Variants in KCNQ3 observed in about 807,000 individuals in gnomAD.
The protein encoded by KCNQ3 is potassium voltage-gated channel subfamily Q member 3, also known as potassium voltage-gated channel subfamily KQT member 3.
A neutral mutation model predicts 92.5 loss-of-function variants in KCNQ3; 30 were observed. That is an observed-to-expected ratio of 0.32 (90% CI 0.24 to 0.44). The LOEUF (loss-of-function observed/expected upper bound fraction) is 0.44. Ranked by LOEUF, KCNQ3 falls within the 20% of genes least tolerant of loss-of-function variation. The probability of loss-of-function intolerance (pLI) is 1.00; values close to 1 mark genes in which losing one functional copy is unlikely to be tolerated. For missense variants in KCNQ3, 913 were observed against 1,140.3 expected, an observed-to-expected ratio of 0.80 and a Z score of 2.87; for synonymous variants, 450 against 468.8, an observed-to-expected ratio of 0.96 and a Z score of 0.52.
intron 1 of KCNQ3, among the ~76,000 whole-genome samples, chr8:132,254,363 C>T (rs963276340): frequency 5.3e-5 from 8 of 152,280 alleles, no homozygotes; most frequent in Admixed American, 2.6e-4. Context: ...AAAAATACTG[C>T]TTGCATAGAC....
At chr8:132,409,666 A>G (rs1416143796) in intron 1 of KCNQ3, among the ~76,000 whole-genome samples, 1 of 152,180 alleles carries the variant, frequency 6.6e-6, no homozygotes, top group Admixed American at 6.5e-5. Flanking sequence ...ATACTGGTTG[A>G]ATACTGAACA....
intron 1 of KCNQ3, among the ~76,000 whole-genome samples, chr8:132,263,847 A>G (rs1013545200): frequency 2.0e-5 from 3 of 152,128 alleles, no homozygotes; most frequent in Non-Finnish European, 4.4e-5. Flanking sequence ...CCTTGGACAC[A>G]GTGTATTCTT....
intron 1 of KCNQ3, among the ~76,000 whole-genome samples, chr8:132,308,688 C>G (rs1448601943): frequency 6.6e-6 from 1 of 152,182 alleles, no homozygotes; most frequent in Non-Finnish European, 1.5e-5. Context: ...AGCGCTGACA[C>G]TGGGGCAGCC....
At position 132,295,111 on chromosome 8, in the gene KCNQ3, T is replaced by C. The variant is rs182965292; in HGVS notation, c.387-108930A>G. 8.5e-5 allele frequency among the ~76,000 whole-genome samples: 13 copies of C among 152,312 alleles called. No individual in the cohort carries two copies. In the East Asian group the frequency reaches 2.1e-3, roughly 25 times the overall value. On this transcript the variant is annotated intron_variant, in intron 1 of 14. Coordinates refer to ENST00000388996, the MANE Select transcript of KCNQ3 (RefSeq NM_004519.4). ...CAGAGTGAACAGACAGCCTACTGTA[T>C]AGGAGACAATTTTTGCAATCTGTCC...
At chr8:132,150,391 T>C (rs1287471332) in intron 9 of KCNQ3, among the ~76,000 whole-genome samples, 1 of 152,178 alleles carries the variant, frequency 6.6e-6, no homozygotes, top group African/African-American at 2.4e-5. Context: ...TTGTGGTTTG[T>C]TGATTCCCTT....
At chr8:132,415,519 C>A (rs547887165) in intron 1 of KCNQ3, among the ~76,000 whole-genome samples, 1 of 152,368 alleles carries the variant, frequency 6.6e-6, no homozygotes, top group South Asian at 2.1e-4. Flanking sequence ...CAGTGACATT[C>A]AGCCTTGTGA....
chr8:132,326,759 C>A (rs1818063991), intron 1 of KCNQ3, among the ~76,000 whole-genome samples: 1 of 152,200 alleles, frequency 6.6e-6, no homozygotes, highest in Admixed American at 6.5e-5. Flanking sequence ...TCTTGGGCTT[C>A]CAGCCTCTAG....
At chr8:132,172,763 G>T in intron 6 of KCNQ3, 70 bp from the exon 7 acceptor site, 1 of 1,114,322 alleles carries the variant, frequency 9.0e-7, no homozygotes, top group South Asian at 1.2e-5. Context: ...CCATTGCCAG[G>T]GTAATGGGGA....
intron 1 of KCNQ3, among the ~76,000 whole-genome samples, chr8:132,245,850 C>T (rs1344769091): frequency 6.6e-6 from 1 of 152,136 alleles, no homozygotes; most frequent in African/African-American, 2.4e-5. Context: ...TTTGCTTATC[C>T]ACTAGTTAGA....
intron 9 of KCNQ3, among the ~76,000 whole-genome samples, chr8:132,151,281 G>A (rs926267259): frequency 2.6e-5 from 4 of 152,210 alleles, no homozygotes; most frequent in Non-Finnish European, 5.9e-5. Flanking sequence ...ATTATGACAT[G>A]TAATTGAGAC....
At chr8:132,340,136 A>G (rs1818483243) in intron 1 of KCNQ3, among the ~76,000 whole-genome samples, 1 of 152,216 alleles carries the variant, frequency 6.6e-6, no homozygotes, top group Non-Finnish European at 1.5e-5. Context: ...GCTGTGGAGA[A>G]ATAGGAATGC....
chr8:132,233,734 CTT>C (rs1295827518), intron 1 of KCNQ3, among the ~76,000 whole-genome samples: 3 of 152,166 alleles, frequency 2.0e-5, no homozygotes, highest in Non-Finnish European at 4.4e-5. Flanking sequence ...CCTCATTTCA[CTT>C]TGTTTCAGTT....
chr8:132,392,114 C>T (rs975841889), intron 1 of KCNQ3, among the ~76,000 whole-genome samples: 2 of 152,184 alleles, frequency 1.3e-5, no homozygotes, highest in Non-Finnish European at 2.9e-5. Context: ...GGCCTCCCCC[C>T]TGGAGAAACA....
At chr8:132,440,382 C>CA (rs1563912968) in intron 1 of KCNQ3, among the ~76,000 whole-genome samples, 3 of 152,170 alleles carry the variant, frequency 2.0e-5, no homozygotes, top group African/African-American at 7.2e-5. Context: ...CAGTATCAGG[C>CA]GTCCCCTCAT....
At chr8:132,213,110 G>A (rs1813914044) in intron 1 of KCNQ3, among the ~76,000 whole-genome samples, 1 of 152,048 alleles carries the variant, frequency 6.6e-6, no homozygotes, top group African/African-American at 2.4e-5. Context: ...TATCAATGGT[G>A]TCTAATGGAC....
At chr8:132,210,778 G>C (rs986746790) in intron 1 of KCNQ3, among the ~76,000 whole-genome samples, 39 of 152,196 alleles carry the variant, frequency 2.6e-4, no homozygotes, top group African/African-American at 8.7e-4. Flanking sequence ...CTAGCAAGAT[G>C]GTGCTGTACT....
chr8:132,242,617 T>C (rs750475391), intron 1 of KCNQ3, among the ~76,000 whole-genome samples: 5 of 152,216 alleles, frequency 3.3e-5, no homozygotes, highest in Non-Finnish European at 7.3e-5. Flanking sequence ...CCTAAATTCA[T>C]AGATACACTA....
chr8:132,263,649 A>G (rs1815863736), intron 1 of KCNQ3, among the ~76,000 whole-genome samples: 1 of 152,260 alleles, frequency 6.6e-6, no homozygotes, highest in Admixed American at 6.5e-5. Context: ...CTGCAGAAAC[A>G]AAGAATGATG....
intron 1 of KCNQ3, among the ~76,000 whole-genome samples, chr8:132,417,801 T>C (rs1401661962): frequency 6.6e-6 from 1 of 152,190 alleles, no homozygotes; most frequent in Non-Finnish European, 1.5e-5. Flanking sequence ...CCGGAATATA[T>C]GCCAAGCCAG....
Sources: allele counts gnomAD v4.1 joint callset (sites outside exome capture counted in the v4.1 genomes callset), GRCh38; gene constraint gnomAD v4.1.1; transcripts MANE v1.5; gene names NCBI Gene and HGNC (gene_info 2026-07-23, HGNC 2026-07-21).